Variants in VWA8 observed in about 807,000 individuals in gnomAD.
The protein encoded by VWA8 is von Willebrand factor A domain containing 8.
A neutral mutation model predicts 241.5 loss-of-function variants in VWA8; 221 were observed. That is an observed-to-expected ratio of 0.91 (90% CI 0.82 to 1.02). The LOEUF is 1.02. Ranked by LOEUF, VWA8 falls within the 50% of genes least tolerant of loss-of-function variation. VWA8 has a pLI of 0.00. For synonymous variants in VWA8, 852 were observed against 827.1 expected, an observed-to-expected ratio of 1.03 and a Z score of -0.52; for missense variants, 2,322 against 2,328.7, an observed-to-expected ratio of 1.00 and a Z score of 0.06.
chr13:41,947,547 A>T (rs1390891441), intron 2 of VWA8, among the ~76,000 whole-genome samples: 1 of 152,250 alleles, frequency 6.6e-6, no homozygotes, highest in Non-Finnish European at 1.5e-5. Flanking sequence ...TGTAATAAAA[A>T]AGACAAACAA....
At chr13:41,791,268 T>A (rs78457606) in intron 17 of VWA8, among the ~76,000 whole-genome samples, 2,931 of 151,968 alleles carry the variant, frequency 0.019, 99 homozygotes, top group African/African-American at 0.066. Flanking sequence ...AAAATAGCTG[T>A]TTTCTATTCA....
chr13:41,781,252 T>C (rs780769625), intron 19 of VWA8, among the ~76,000 whole-genome samples: 1 of 152,128 alleles, frequency 6.6e-6, no homozygotes, highest in Non-Finnish European at 1.5e-5. Context: ...CTCTTGGCAC[T>C]CTTCCACTTG....
At chr13:41,590,794 G>A in intron 40 of VWA8, 29 bp from the exon 41 acceptor site, 1 of 1,609,680 alleles carries the variant, frequency 6.2e-7, no homozygotes, top group Non-Finnish European at 8.5e-7. Context: ...CACACACAAA[G>A]CCTTAATTAG....
At chr13:41,784,735 C>CATATAT (rs1456529929) in intron 18 of VWA8, among the ~76,000 whole-genome samples, 2 of 47,622 alleles carry the variant, frequency 4.2e-5, no homozygotes, top group Non-Finnish European at 1.0e-4. Context: ...TATATACACA[C>CATATAT]ACATATATAT....
intron 37 of VWA8, among the ~76,000 whole-genome samples, chr13:41,622,595 T>G (rs2044664424): frequency 6.6e-6 from 1 of 152,232 alleles, no homozygotes; most frequent in Admixed American, 6.5e-5. Context: ...CACAATCTGC[T>G]TTCTTTTAGG....
At chr13:41,942,540 GA>G (rs1166203940) in intron 2 of VWA8, among the ~76,000 whole-genome samples, 1 of 152,142 alleles carries the variant, frequency 6.6e-6, no homozygotes, top group African/African-American at 2.4e-5. Flanking sequence ...GCAAACTTAT[GA>G]TGGCCACGCA....
chr13:41,707,123 C>T (rs762774121), intron 26 of VWA8, among the ~76,000 whole-genome samples: 5 of 152,072 alleles, frequency 3.3e-5, no homozygotes, highest in Non-Finnish European at 7.4e-5. Flanking sequence ...GAGCAAGTTA[C>T]AGAAAGAACA....
Position 41,833,262 on chromosome 13 carries a change from C to A in VWA8, c.1586+109G>T, listed in dbSNP as rs913462197. On this transcript the variant is annotated intron_variant, in intron 13 of 44. Transcript: ENST00000379310. ...GTATAGAATCATGATTTTTCAGGAT[C>A]TACACAACCCAGTTTAAAAAAAAGA... The A allele has an allele frequency of 1.2e-5, 15 of 1,291,678 alleles. 1 individual carries two copies. The highest frequency in any genetic ancestry group is 5.7e-4 in the Middle Eastern group (2 of 3,508). The allele number at this position is 1,291,678 out of a possible 1,614,324, so 80.0% of individuals were successfully genotyped here.
At chr13:41,853,917 G>A (rs1251067969) in intron 12 of VWA8, among the ~76,000 whole-genome samples, 3 of 152,110 alleles carry the variant, frequency 2.0e-5, no homozygotes, top group Admixed American at 6.5e-5. Context: ...ATGCCTTCAA[G>A]GAGCTTACAA....
chr13:41,754,198 G>C (rs1423307296), intron 21 of VWA8, among the ~76,000 whole-genome samples: 1 of 152,056 alleles, frequency 6.6e-6, no homozygotes, highest in Non-Finnish European at 1.5e-5. Flanking sequence ...ACATGTTGCG[G>C]GAGGGACCCA....
intron 29 of VWA8, among the ~76,000 whole-genome samples, chr13:41,693,648 G>T (rs2045194195): frequency 6.6e-6 from 1 of 151,960 alleles, no homozygotes; most frequent in Admixed American, 6.6e-5. Context: ...GCTATGCAAT[G>T]ATGTAATCTT....
At chr13:41,627,895 C>T (rs576771851) in intron 37 of VWA8, among the ~76,000 whole-genome samples, 1 of 152,252 alleles carries the variant, frequency 6.6e-6, no homozygotes, top group African/African-American at 2.4e-5. Flanking sequence ...TTATGAGGAT[C>T]ACATCTCTAA....
At chr13:41,640,482 A>G (rs2044788613) in intron 37 of VWA8, among the ~76,000 whole-genome samples, 1 of 130,836 alleles carries the variant, frequency 7.6e-6, no homozygotes, top group African/African-American at 3.8e-5. Context: ...GGCTAGACTA[A>G]GACTAAGAGA....
At position 41,671,137 on chromosome 13, in the gene VWA8, G is replaced by C. The variant is rs2045020412; in HGVS notation, c.4420C>G (p.Leu1474Val). The C allele has an allele frequency of 6.2e-7, 1 of 1,613,632 alleles. No homozygotes were observed. Among genetic ancestry groups the C allele is most frequent in the African/African-American group, 1.3e-5 (1 of 74,884 alleles). The stretch of plus-strand genomic sequence containing the variant: ...GACAGCCATGTGGTATACGGCGAGA[G>C]AGATTCTGATCTGGAAAAAGGAATC... The part of the protein sequence containing the change: ...RYIPIPRSES[L>V]SPYTTWLSTI... Residue 1474 changes from leucine to valine, a missense_variant, in exon 37 of 45, where the codon CTC becomes GTC. Coordinates refer to ENST00000379310, the MANE Select transcript of VWA8 (RefSeq NM_015058.2).
At chr13:41,691,238 C>A (rs2045174836) in intron 32 of VWA8, 82 bp downstream of exon 32, 2 of 1,476,004 alleles carry the variant, frequency 1.4e-6, no homozygotes, top group Non-Finnish European at 9.1e-7. Flanking sequence ...ACAGGAAAGA[C>A]AGAACAGTAA....
At chr13:41,883,295 G>A in intron 9 of VWA8, 92 bp downstream of exon 9, 1 of 952,044 alleles carries the variant, frequency 1.1e-6, no homozygotes, top group Non-Finnish European at 1.6e-6. Flanking sequence ...AGAAAAATAG[G>A]AAAGGTGGGG....
chr13:41,926,538 G>T, intron 2 of VWA8: 1 of 540,740 alleles, frequency 1.8e-6, no homozygotes. Context: ...GAAACTGGAT[G>T]CCAGTTCCAG....
At chr13:41,800,156 AAC>A (rs1869883405) in intron 17 of VWA8, among the ~76,000 whole-genome samples, 1 of 152,206 alleles carries the variant, frequency 6.6e-6, no homozygotes, top group African/African-American at 2.4e-5. Flanking sequence ...GTATGGATAA[AAC>A]ACACTTTATC....
chr13:41,611,223 T>C (rs961177492), intron 39 of VWA8, among the ~76,000 whole-genome samples: 2 of 152,168 alleles, frequency 1.3e-5, no homozygotes, highest in African/African-American at 4.8e-5. Flanking sequence ...ACTCTGTGCA[T>C]GTGTGTATGT....
Sources: gnomAD v4.1 joint callset for allele counts (sites outside exome capture counted in the v4.1 genomes callset) on GRCh38, gnomAD v4.1.1 for gene constraint, MANE v1.5 for transcripts, NCBI Gene and HGNC (gene_info 2026-07-23, HGNC 2026-07-21) for gene names.